SLC18A1: variants seen among roughly 807,000 people sequenced by gnomAD.
SLC18A1 encodes chromaffin granule amine transporter.
Under a neutral mutation model 53.7 loss-of-function variants are expected in SLC18A1, and 69 were observed. The observed-to-expected ratio is 1.28, with a 90% CI of 1.06 to 1.57. The LOEUF is 1.57. SLC18A1 is among the 40% of genes most tolerant of loss of function. The pLI is 0.00. For synonymous variants in SLC18A1, 320 were observed against 248.1 expected (o/e 1.29, Z -2.72); for missense variants, 932 against 668.1 (o/e 1.40, Z -4.35).
chr8:20,165,100 T>G lies in SLC18A1; in HGVS notation c.866A>C (p.Lys289Thr). 6.2e-7 allele frequency: 1 copy of G among 1,614,054 alleles called. No homozygotes were observed. The highest frequency in any genetic ancestry group is 8.5e-7 in the Non-Finnish European group (1 of 1,179,914). The change falls in exon 9 of 16, where the codon AAG becomes ACG. Residue 289 changes from lysine to threonine, a missense_variant. By Grantham distance (78) the Lys-to-Thr change is moderately conservative (BLOSUM62 -1). Coordinates refer to ENST00000276373, the MANE Select transcript of SLC18A1 (RefSeq NM_003053.4). ...QPSKVSPESA[K>T]GTPLFMLLKD... ...GAGAAGCATAAAGAGGGGAGTCCCC[T>G]TGGCACTCTGAGAACATGGATAACA...
At chr8:20,156,041 G>A (rs748635214) in intron 10 of SLC18A1, among the ~76,000 whole-genome samples, 1 of 152,162 alleles carries the variant, frequency 6.6e-6, no homozygotes, top group Non-Finnish European at 1.5e-5. Flanking sequence ...CCTTGGCGAG[G>A]GCCTTAGAAC....
intron 10 of SLC18A1, among the ~76,000 whole-genome samples, chr8:20,161,128 C>A (rs1347061439): frequency 2.0e-5 from 3 of 152,110 alleles, no homozygotes; most frequent in Admixed American, 2.0e-4. Flanking sequence ...CAATCCATCC[C>A]AATAGTTTCA....
chr8:20,171,969 G>C (rs1283260538), intron 6 of SLC18A1, among the ~76,000 whole-genome samples: 1 of 152,232 alleles, frequency 6.6e-6, no homozygotes, highest in Non-Finnish European at 1.5e-5. Context: ...ATGAATATTT[G>C]CGAGGAGAAA....
intron 2 of SLC18A1, among the ~76,000 whole-genome samples, chr8:20,180,583 C>A (rs2072399402): frequency 6.6e-6 from 1 of 152,202 alleles, no homozygotes; most frequent in Non-Finnish European, 1.5e-5. Context: ...AGTTCTGGCT[C>A]CGGGCCATCC....
chr8:20,148,401 C>G (rs2071461052), intron 12 of SLC18A1: 1 of 1,229,116 alleles, frequency 8.1e-7, no homozygotes, highest in African/African-American at 1.5e-5. Flanking sequence ...TCCCCTTCCT[C>G]TACCCCTCTT....
At chr8:20,158,559 C>T (rs2071738818) in intron 10 of SLC18A1, among the ~76,000 whole-genome samples, 1 of 152,130 alleles carries the variant, frequency 6.6e-6, no homozygotes, top group African/African-American at 2.4e-5. Flanking sequence ...CTACCAAAGG[C>T]AGTACCCCCT....
rs2071427665 is a variant in SLC18A1, at chr8:20,147,359, T to C, written c.1363A>G (p.Ile455Val). The change falls in exon 15 of 16, where the codon ATC becomes GTC. Residue 455 changes from isoleucine to valine, a missense_variant. Ile to Val is a conservative substitution (Grantham distance 29). Coordinates refer to ENST00000276373, the MANE Select transcript of SLC18A1 (RefSeq NM_003053.4). ...ATGACCATGAGCCAGGGAAAACCGATGGCCTTTACAATGGCACCACCGGTG... is the reference window on the plus strand; with the variant it reads ...ATGACCATGAGCCAGGGAAAACCGACGGCCTTTACAATGGCACCACCGGTG... ...PSTGGAIVKAIGFPWLMVITG... is the reference protein window; with the variant it reads ...PSTGGAIVKAVGFPWLMVITG... The C allele has an allele frequency of 1.2e-6, 2 of 1,612,970 alleles. No homozygotes were observed. Among genetic ancestry groups the C allele is most frequent in the Admixed American group, 3.3e-5 (2 of 59,890 alleles).
chr8:20,160,509 G>A (rs1230496727), intron 10 of SLC18A1, among the ~76,000 whole-genome samples: 3 of 151,810 alleles, frequency 2.0e-5, no homozygotes, highest in East Asian at 3.9e-4. Context: ...AGGGGTGAGG[G>A]ATTACACATT....
intron 8 of SLC18A1, among the ~76,000 whole-genome samples, chr8:20,168,577 G>GT (rs553749377): frequency 1.0e-3 from 153 of 151,834 alleles, no homozygotes; most frequent in African/African-American, 3.6e-3. Flanking sequence ...TTGCTTTTTT[G>GT]TTTTTTAGAG....
intron 10 of SLC18A1, among the ~76,000 whole-genome samples, chr8:20,156,288 C>T (rs920947500): frequency 7.4e-5 from 11 of 148,774 alleles, no homozygotes; most frequent in African/African-American, 2.7e-4. Context: ...CTTACTAACT[C>T]AAAAATCTTA....
At chr8:20,169,113 G>A (rs1186096758) in intron 8 of SLC18A1, among the ~76,000 whole-genome samples, 2 of 152,106 alleles carry the variant, frequency 1.3e-5, no homozygotes, top group Non-Finnish European at 2.9e-5. Flanking sequence ...ACCACTGAGA[G>A]GCGACGGGCA....
At chr8:20,169,115 C>T (rs765832003) in intron 8 of SLC18A1, among the ~76,000 whole-genome samples, 1 of 152,014 alleles carries the variant, frequency 6.6e-6, no homozygotes, top group Non-Finnish European at 1.5e-5. Flanking sequence ...CACTGAGAGG[C>T]GACGGGCATT....
chr8:20,178,357 C>T (rs758222295), intron 4 of SLC18A1, 78 bp downstream of exon 4: 158 of 1,162,320 alleles, frequency 1.4e-4, no homozygotes, highest in Non-Finnish European at 1.9e-4. Flanking sequence ...CTAGGTTACC[C>T]TGCTATCTAC....
chr8:20,178,518 A>G, intron 3 of SLC18A1, 25 bp from the exon 4 acceptor site: 1 of 1,563,176 alleles, frequency 6.4e-7, no homozygotes, highest in African/African-American at 1.4e-5. Flanking sequence ...AAAAAAAAAA[A>G]GATACAATTC....
rs1427389902 is a variant in SLC18A1 at position 20,147,389 on chromosome 8, G to T, written c.1333C>A (p.Pro445Thr). ...TTTACAATGGCACCACCGGTGGATG[G>T]ACCTGGGAGGGATACATCAAAGTCA... ...VAFCMGFAIG[P>T]STGGAIVKAI... Residue 445 changes from proline (P) to threonine (T), a missense_variant and splice_region_variant, in exon 15 of 16, where the codon CCA becomes ACA. Transcript: ENST00000276373. 6.2e-7 allele frequency: 1 copy of T among 1,606,392 alleles called. No homozygotes were observed. Among genetic ancestry groups the T allele is most frequent in the Non-Finnish European group, 8.5e-7 (1 of 1,177,130 alleles).
chr8:20,147,542 G>C, intron 14 of SLC18A1, 61 bp downstream of exon 14: 1 of 1,604,794 alleles, frequency 6.2e-7, no homozygotes, highest in Non-Finnish European at 8.5e-7. Flanking sequence ...CTTCCTGGCT[G>C]CACTTCCAGC....
Position 20,145,029 on chromosome 8 carries a change from G to T in SLC18A1, c.*734C>A, listed in dbSNP as rs532109487. 2.0e-5 allele frequency: 3 copies of T among 152,016 alleles called. No individual in the cohort carries two copies. The highest frequency in any genetic ancestry group is 7.2e-5 in the African/African-American group (3 of 41,454). The allele number at this position is 152,016 out of a possible 1,614,324, so 9.4% of individuals were successfully genotyped here. A position where few individuals can be genotyped will look rare whatever the true frequency, so the allele number is the denominator to read the frequency against. ...GTCTTTCTTCTACTTTTATTTCTAA[G>T]AGTCTAAGAGGTTCAGAAAAGGTAG... On this transcript the variant is annotated 3_prime_UTR_variant, in exon 16 of 16. Coordinates refer to ENST00000276373, the MANE Select transcript of SLC18A1 (RefSeq NM_003053.4).
At chr8:20,166,727 A>T (rs2071977127) in intron 8 of SLC18A1, among the ~76,000 whole-genome samples, 1 of 152,116 alleles carries the variant, frequency 6.6e-6, no homozygotes. Context: ...ACCTTAGTCA[A>T]ATTAGTATGT....
At chr8:20,174,306 ATG>A (rs929247830) in intron 5 of SLC18A1, 53 bp downstream of exon 5, 165 of 1,164,978 alleles carry the variant, frequency 1.4e-4, no homozygotes, top group Middle Eastern at 1.9e-4. Context: ...GTAGTAAGAG[ATG>A]TGTGTGTGTG....
Sources: allele counts gnomAD v4.1 joint callset (sites outside exome capture counted in the v4.1 genomes callset), GRCh38; gene constraint gnomAD v4.1.1; transcripts MANE v1.5; gene names NCBI Gene and HGNC (gene_info 2026-07-23, HGNC 2026-07-21).